RAB33A: variants seen among roughly 807,000 people sequenced by gnomAD.
The protein encoded by RAB33A is RAB33A, member RAS oncogene family.
In RAB33A, 6 loss-of-function variants were observed where a neutral mutation model predicts 12.0. That is an observed-to-expected ratio of 0.50 (90% CI 0.27 to 0.99). RAB33A has a LOEUF of 0.99. Ranked by LOEUF, RAB33A falls within the 50% of genes least tolerant of loss-of-function variation. The probability of loss-of-function intolerance (pLI) is 0.11; values close to 1 mark genes in which losing one functional copy is unlikely to be tolerated. For synonymous variants in RAB33A, 70 were observed against 82.4 expected (o/e 0.85, Z 0.81); for missense variants, 109 against 192.0 (o/e 0.57, Z 2.55).
At chrX:130,165,539 T>G in the RAB33A span, 1 of 1,178,865 alleles carries the variant, frequency 8.5e-7, no homozygotes, top group Admixed American at 2.4e-5. Flanking sequence ...TTGCCTGGAA[T>G]GGGTCAGTCA....
chrX:130,146,116 CTATGA>C, the RAB33A span, among the ~76,000 whole-genome samples: 10 of 111,560 alleles, frequency 9.0e-5, no homozygotes, highest in African/African-American at 9.8e-5. Context: ...CAGTTATCAA[CTATGA>C]TATATTAATA....
the RAB33A span, among the ~76,000 whole-genome samples, chrX:130,151,388 C>G: frequency 9.0e-6 from 1 of 111,185 alleles, no homozygotes; most frequent in African/African-American, 3.3e-5. Flanking sequence ...ATCCACCCAC[C>G]TTGGCCTCCC....
At chrX:130,138,511 C>T in the RAB33A span, 1 of 701,936 alleles carries the variant, frequency 1.4e-6, no homozygotes, top group Non-Finnish European at 2.3e-6. Context: ...TCCTACTGAT[C>T]CTGCCAAACA....
chrX:130,160,259 C>T, the RAB33A span, among the ~76,000 whole-genome samples: 3 of 111,836 alleles, frequency 2.7e-5, no homozygotes, highest in South Asian at 3.7e-4. Flanking sequence ...CCTTTCTCCC[C>T]ATAGCTTCAA....
chrX:130,137,232 C>A, the RAB33A span: 1 of 1,208,700 alleles, frequency 8.3e-7, no homozygotes, highest in Non-Finnish European at 1.1e-6. Context: ...AAAAGTCAAT[C>A]CTAGGAATAC....
chrX:130,135,440 A>T, the RAB33A span, among the ~76,000 whole-genome samples: 20 of 609 alleles, frequency 0.033, no homozygotes, highest in African/African-American at 0.096. Context: ...TTTTTTTTTT[A>T]AAAAAAAAAA....
chrX:130,174,694 G>C (rs2031647007), intron 1 of RAB33A, among the ~76,000 whole-genome samples: 1 of 111,640 alleles, frequency 9.0e-6, no homozygotes, highest in Non-Finnish European at 1.9e-5. Context: ...ACCAGCCCTT[G>C]GAGGAGAGTG....
the RAB33A span, among the ~76,000 whole-genome samples, chrX:130,128,310 C>T: frequency 2.7e-5 from 3 of 111,858 alleles, no homozygotes; most frequent in Admixed American, 1.9e-4. Flanking sequence ...CGGTGACTCA[C>T]ACCTGTAACC....
At chrX:130,129,507 C>T in the RAB33A span, 72 of 1,091,121 alleles carry the variant, frequency 6.6e-5, no homozygotes, top group Non-Finnish European at 7.9e-5. Context: ...TTTACCCATT[C>T]GACCTCCTCT....
the RAB33A span, among the ~76,000 whole-genome samples, chrX:130,144,421 T>C: frequency 8.9e-6 from 1 of 112,227 alleles, no homozygotes; most frequent in Non-Finnish European, 1.9e-5. Flanking sequence ...CTCAGGTTCA[T>C]CTCTTGCCAC....
chrX:130,129,256 A>G, the RAB33A span: 5 of 341,236 alleles, frequency 1.5e-5, no homozygotes, highest in African/African-American at 5.3e-5. Context: ...GCATGAATAC[A>G]TGGCTGAGAA....
At chrX:130,173,240 A>G (rs938356835) in intron 1 of RAB33A, among the ~76,000 whole-genome samples, 5 of 111,829 alleles carry the variant, frequency 4.5e-5, no homozygotes, top group Admixed American at 3.8e-4. Flanking sequence ...GGATGGCGGG[A>G]GGGAGGACAT....
At chrX:130,130,269 T>C in the RAB33A span, 1 of 907,188 alleles carries the variant, frequency 1.1e-6, no homozygotes, top group East Asian at 3.2e-5. Flanking sequence ...CGAGGCCTGC[T>C]TCAAGCTACT....
chrX:130,176,487 G>A (rs1398343214), intron 1 of RAB33A, among the ~76,000 whole-genome samples: 2 of 111,596 alleles, frequency 1.8e-5, no homozygotes, highest in East Asian at 5.6e-4. Flanking sequence ...AGGACTGTGA[G>A]TTTCTGTTCC....
the RAB33A span, among the ~76,000 whole-genome samples, chrX:130,162,015 GA>G: frequency 8.9e-6 from 1 of 112,162 alleles, no homozygotes; most frequent in Admixed American, 9.5e-5. Flanking sequence ...GACACACAAG[GA>G]AAAATTATTT....
At chrX:130,145,181 G>A in the RAB33A span, among the ~76,000 whole-genome samples, 2 of 111,707 alleles carry the variant, frequency 1.8e-5, no homozygotes, top group African/African-American at 3.3e-5. Flanking sequence ...TTTTCTCATC[G>A]ATAATCCCAG....
At chrX:130,161,633 ATTCTCGCTCT>A in the RAB33A span, among the ~76,000 whole-genome samples, 1 of 98,683 alleles carries the variant, frequency 1.0e-5, no homozygotes, top group Admixed American at 1.1e-4. Flanking sequence ...TTTGAGACAG[ATTCTCGCTCT>A]GTCGTCCAGG....
At chrX:130,136,257 C>A in the RAB33A span, 1 of 1,112,372 alleles carries the variant, frequency 9.0e-7, no homozygotes, top group Non-Finnish European at 1.2e-6. Context: ...AACAATGGCC[C>A]TTCATGCCAT....
the RAB33A span, among the ~76,000 whole-genome samples, chrX:130,150,326 C>CTT: frequency 3.3e-3 from 206 of 61,654 alleles, 25 homozygotes; most frequent in African/African-American, 8.6e-3. Flanking sequence ...TTATTGGAGA[C>CTT]TTTTTTTTTT....
Sources: allele counts gnomAD v4.1 joint callset (sites outside exome capture counted in the v4.1 genomes callset), GRCh38; gene constraint gnomAD v4.1.1; transcripts MANE v1.5; gene names NCBI Gene and HGNC (gene_info 2026-07-23, HGNC 2026-07-21).